Variants in NBEA observed in about 807,000 individuals in gnomAD.
The protein encoded by NBEA is lysosomal-trafficking regulator 2.
NBEA carries 44 observed loss-of-function variants against 343.4 expected under a neutral mutation model. That is an observed-to-expected ratio of 0.13 (90% CI 0.10 to 0.16). NBEA has a LOEUF of 0.16. Among genes scored for constraint, NBEA ranks in the 10% least tolerant of loss-of-function variants. NBEA has a pLI of 1.00. For missense variants in NBEA, 2,555 were observed against 3,631.3 expected (o/e 0.70, Z 7.62); for synonymous variants, 1,175 against 1,238.7 (o/e 0.95, Z 1.08).
At chr13:35,145,453 A>G (rs2068361124) in intron 18 of NBEA, among the ~76,000 whole-genome samples, 2 of 152,178 alleles carry the variant, frequency 1.3e-5, no homozygotes, top group South Asian at 4.1e-4. Context: ...TAGAACTTGA[A>G]TAACATTCTT....
intron 31 of NBEA, among the ~76,000 whole-genome samples, chr13:35,205,095 A>C (rs1208051529): frequency 6.6e-6 from 1 of 152,148 alleles, no homozygotes; most frequent in Non-Finnish European, 1.5e-5. Flanking sequence ...TTGATTGCTA[A>C]GAAAGAGAAT....
At chr13:35,637,676 G>A (rs4943309) in intron 49 of NBEA, among the ~76,000 whole-genome samples, 1 of 152,138 alleles carries the variant, frequency 6.6e-6, no homozygotes, top group Admixed American at 6.5e-5. Flanking sequence ...ACAAAAATTA[G>A]CCGGGCATGG....
chr13:35,190,825 A>G (rs560456724), intron 30 of NBEA, among the ~76,000 whole-genome samples: 1 of 152,308 alleles, frequency 6.6e-6, no homozygotes, highest in South Asian at 2.1e-4. Flanking sequence ...AGAACTTACT[A>G]GACGGACACT....
At chr13:35,114,919 C>T (rs2152665703) in intron 13 of NBEA, among the ~76,000 whole-genome samples, 1 of 152,256 alleles carries the variant, frequency 6.6e-6, no homozygotes, top group African/African-American at 2.4e-5. Context: ...TTTAAGGACA[C>T]TCTAAAGATA....
At chr13:35,261,625 T>C (rs1040596977) in intron 34 of NBEA, among the ~76,000 whole-genome samples, 9 of 152,092 alleles carry the variant, frequency 5.9e-5, no homozygotes, top group African/African-American at 2.2e-4. Flanking sequence ...GAAAATTCAT[T>C]TGATGACTTG....
At chr13:35,612,749 A>G (rs7330637) in intron 48 of NBEA, among the ~76,000 whole-genome samples, 34,101 of 152,040 alleles carry the variant, frequency 0.22, 4,017 homozygotes, top group Non-Finnish European at 0.24. Context: ...TAAATAATTA[A>G]TGTTGGTATA....
chr13:35,384,275 AC>A (rs2042138486), intron 38 of NBEA, among the ~76,000 whole-genome samples: 1 of 152,220 alleles, frequency 6.6e-6, no homozygotes, highest in African/African-American at 2.4e-5. Context: ...AAGCTTTTAT[AC>A]CTAAATGGAT....
At chr13:35,607,369 T>C (rs1273350794) in intron 48 of NBEA, among the ~76,000 whole-genome samples, 43 of 152,170 alleles carry the variant, frequency 2.8e-4, no homozygotes. Context: ...GGTGTTTAAA[T>C]GAGAAATGTA....
chr13:35,109,292 A>T lies in NBEA; in HGVS notation c.1683A>T (p.Ser561=), dbSNP rs1184510166. ...AGAATTTCTGTTTTCTTTCTTAGTC[A>T]TCAAGAGTTCATATAACTAGAGCTG... ...FLVIGYLLEK[S]SRVHITRAVL... The change falls in exon 12 of 59, where the codon TCA becomes TCT. Residue 561 remains serine (S), a splice_region_variant and synonymous_variant. Transcript: ENST00000379939. 1.3e-6 allele frequency: 2 copies of T among 1,588,698 alleles called. No homozygotes were observed. The highest frequency in any genetic ancestry group is 1.2e-5 in the South Asian group (1 of 86,296).
chr13:35,007,449 A>G (rs889411218), intron 1 of NBEA, among the ~76,000 whole-genome samples: 1 of 151,426 alleles, frequency 6.6e-6, no homozygotes, highest in South Asian at 2.1e-4. Flanking sequence ...TATGTTTTAT[A>G]CTCTTCTATG....
intron 27 of NBEA, among the ~76,000 whole-genome samples, chr13:35,175,579 A>C (rs770048283): frequency 5.3e-5 from 8 of 152,186 alleles, no homozygotes; most frequent in Non-Finnish European, 1.0e-4. Context: ...AGTGGGAAGG[A>C]AATTGGTAGT....
chr13:35,053,025 A>C (rs1476733873), intron 6 of NBEA, among the ~76,000 whole-genome samples: 1 of 151,952 alleles, frequency 6.6e-6, no homozygotes, highest in African/African-American at 2.4e-5. Flanking sequence ...TCCCATCCTC[A>C]TTTTAAAATT....
intron 49 of NBEA, among the ~76,000 whole-genome samples, chr13:35,644,809 G>A (rs1387317934): frequency 6.6e-6 from 1 of 152,036 alleles, no homozygotes; most frequent in East Asian, 1.9e-4. Context: ...CTTGCACTGG[G>A]GAGACAAAAG....
chr13:35,150,811 G>GAGTAC, intron 18 of NBEA, among the ~76,000 whole-genome samples: 1 of 152,030 alleles, frequency 6.6e-6, no homozygotes, highest in South Asian at 2.1e-4. Context: ...GAGTAGAGTA[G>GAGTAC]AGTAGAGTAG....
chr13:35,351,804 C>G (rs1296151915), intron 37 of NBEA, among the ~76,000 whole-genome samples: 4 of 151,714 alleles, frequency 2.6e-5, no homozygotes, highest in African/African-American at 9.7e-5. Flanking sequence ...AGGAACATAC[C>G]TCTTATTTTA....
intron 48 of NBEA, among the ~76,000 whole-genome samples, chr13:35,617,975 ATGT>A (rs1374984030): frequency 2.6e-5 from 4 of 152,114 alleles, no homozygotes; most frequent in African/African-American, 4.8e-5. Flanking sequence ...TGTATTTTTT[ATGT>A]TGTTTTGTAA....
intron 33 of NBEA, among the ~76,000 whole-genome samples, chr13:35,211,562 C>G (rs969989587): frequency 6.6e-6 from 1 of 152,080 alleles, no homozygotes; most frequent in African/African-American, 2.4e-5. Flanking sequence ...CGCCTGTAAT[C>G]CCAGCACTTT....
In NBEA at chr13:35,237,241, A is replaced by G. The variant is rs576351241; in HGVS notation, c.5776+4622A>G. On this transcript the variant is annotated intron_variant, in intron 34 of 58. Transcript: ENST00000379939. ...CTGCACTCCAGCCTGGGCACCGGAGACCCTGTCGCTAAAAAGAAAATAAGG... is the reference window on the plus strand; with the variant it reads ...CTGCACTCCAGCCTGGGCACCGGAGGCCCTGTCGCTAAAAAGAAAATAAGG... Among the ~76,000 whole-genome samples the G allele has an allele frequency of 3.8e-3, 583 of 152,064 alleles. 3 individuals are homozygous for G. Among genetic ancestry groups the G allele is most frequent in the Non-Finnish European group, 4.3e-3 (291 of 67,956 alleles).
intron 36 of NBEA, among the ~76,000 whole-genome samples, chr13:35,318,249 G>A (rs1003684351): frequency 1.3e-5 from 2 of 152,094 alleles, no homozygotes; most frequent in Non-Finnish European, 2.9e-5. Context: ...GTCATAAATA[G>A]CTCTTATTAT....
Sources: gnomAD v4.1 joint callset for allele counts (sites outside exome capture counted in the v4.1 genomes callset) on GRCh38, gnomAD v4.1.1 for gene constraint, MANE v1.5 for transcripts, NCBI Gene and HGNC (gene_info 2026-07-23, HGNC 2026-07-21) for gene names.